FOXJ3: variants seen among roughly 807,000 people sequenced by gnomAD.
FOXJ3 encodes forkhead box protein J3.
A neutral mutation model predicts 76.1 loss-of-function variants in FOXJ3; 22 were observed. That is an observed-to-expected ratio of 0.29 (90% CI 0.21 to 0.41). The LOEUF is 0.41. FOXJ3 is among the 10% of genes least tolerant of loss of function. FOXJ3 has a pLI of 1.00. For synonymous variants in FOXJ3, 269 were observed against 261.2 expected, an observed-to-expected ratio of 1.03 and a Z score of -0.29; for missense variants, 613 against 762.1, an observed-to-expected ratio of 0.80 and a Z score of 2.30.
At chr1:42,317,717 G>T (rs183872842) in intron 1 of FOXJ3, among the ~76,000 whole-genome samples, 3 of 151,952 alleles carry the variant, frequency 2.0e-5, no homozygotes, top group Admixed American at 6.6e-5. Flanking sequence ...ATGGATAGGG[G>T]TTAAGAATCA....
intron 1 of FOXJ3, among the ~76,000 whole-genome samples, chr1:42,328,053 T>C (rs892958251): frequency 6.6e-6 from 1 of 152,164 alleles, no homozygotes. Context: ...TCCCAGCACT[T>C]TGGGGGACCA....
chr1:42,250,940 C>T (rs1649986386), intron 4 of FOXJ3, among the ~76,000 whole-genome samples: 1 of 145,928 alleles, frequency 6.9e-6, no homozygotes, highest in East Asian at 2.0e-4. Context: ...AAAATTAACA[C>T]TCTCAAGGAC....
At chr1:42,231,881 T>C (rs1034591797) in intron 4 of FOXJ3, among the ~76,000 whole-genome samples, 2 of 152,120 alleles carry the variant, frequency 1.3e-5, no homozygotes, top group East Asian at 1.9e-4. Flanking sequence ...ATGTGCCATG[T>C]TGGTGTGCTG....
chr1:42,244,375 G>T (rs191998371), intron 4 of FOXJ3, among the ~76,000 whole-genome samples: 8 of 152,182 alleles, frequency 5.3e-5, no homozygotes, highest in African/African-American at 1.9e-4. Flanking sequence ...AATTAGCCTG[G>T]CATGGTGACA....
At chr1:42,215,641 G>A (rs2124386737) in intron 5 of FOXJ3, among the ~76,000 whole-genome samples, 1 of 152,050 alleles carries the variant, frequency 6.6e-6, no homozygotes, top group Middle Eastern at 3.4e-3. Flanking sequence ...TAAATGGAAG[G>A]AAAAACCACA....
intron 2 of FOXJ3, among the ~76,000 whole-genome samples, chr1:42,280,811 A>G (rs928384625): frequency 4.6e-5 from 7 of 152,214 alleles, no homozygotes; most frequent in African/African-American, 1.7e-4. Context: ...CAGGCAAGTA[A>G]TAAGTATTCA....
At chr1:42,234,450 T>C (rs536740457) in intron 4 of FOXJ3, among the ~76,000 whole-genome samples, 5 of 152,322 alleles carry the variant, frequency 3.3e-5, no homozygotes, top group African/African-American at 9.6e-5. Flanking sequence ...TGAGGAGCTG[T>C]GTTCCTCTGG....
intron 4 of FOXJ3, among the ~76,000 whole-genome samples, chr1:42,252,601 GTTTT>G (rs770005826): frequency 7.1e-6 from 1 of 141,000 alleles, no homozygotes; most frequent in Non-Finnish European, 1.6e-5. Flanking sequence ...TTTTTGAAGG[GTTTT>G]TTTTTTTTGT....
At chr1:42,261,354 A>C (rs752155434) in intron 4 of FOXJ3, among the ~76,000 whole-genome samples, 3 of 152,166 alleles carry the variant, frequency 2.0e-5, no homozygotes, top group Admixed American at 6.5e-5. Flanking sequence ...TCTGTCCCCA[A>C]AAAAGCAGCA....
rs774905116 is a variant in FOXJ3, at chr1:42,191,384, T to C, written c.1270A>G (p.Ile424Val). Residue 424 changes from isoleucine (I) to valine (V), a missense_variant, in exon 9 of 13, where the codon ATA (isoleucine) becomes GTA (valine). By Grantham distance (29) the Ile-to-Val change is conservative. Around this residue, in one of 3 missense-constraint regions of FOXJ3, gnomAD observed 526 missense variants for 601.4 expected, o/e 0.87. Transcript: ENST00000361346. ...HPQHPSPHQH[I>V]QHHPNHQHQT... ...TGCTGATGGTTCGGATGGTGCTGTA[T>C]GTGTTGATGTGGAGAGGGATGCTGG... The C allele has an allele frequency of 2.5e-6, 4 of 1,604,668 alleles. No individual in the cohort carries two copies. Among genetic ancestry groups the C allele is most frequent in the Middle Eastern group, 1.7e-4 (1 of 6,026 alleles).
chr1:42,231,356 G>A (rs1318724336), intron 4 of FOXJ3, among the ~76,000 whole-genome samples: 5 of 151,842 alleles, frequency 3.3e-5, no homozygotes, highest in Admixed American at 6.6e-5. Context: ...CAAAAAAAAC[G>A]AGGGATACTC....
At chr1:42,241,177 T>C (rs1307393901) in intron 4 of FOXJ3, among the ~76,000 whole-genome samples, 1 of 152,100 alleles carries the variant, frequency 6.6e-6, no homozygotes, top group Non-Finnish European at 1.5e-5. Context: ...GAAGAATCCC[T>C]ACGAGGGCCC....
At position 42,296,127 on chromosome 1, in the gene FOXJ3, G is replaced by A. The variant is rs562614519; in HGVS notation, c.44+14923C>T. Among the ~76,000 whole-genome samples, 226 of 152,198 alleles carry A rather than the reference G, an allele frequency of 1.5e-3. 1 individual carries two copies. The highest frequency in any genetic ancestry group is 5.3e-3 in the African/African-American group (220 of 41,508). ...TGTTGAGTATTTTTTTCAAGTGTTT[G>A]TTGGCACTTGTATTTCTTCAAGAAA... On this transcript the variant is annotated intron_variant, in intron 2 of 12. Coordinates refer to ENST00000361346, the MANE Select transcript of FOXJ3 (RefSeq NM_014947.5).
chr1:42,292,339 TC>T (rs2124708126), intron 2 of FOXJ3, among the ~76,000 whole-genome samples: 1 of 152,300 alleles, frequency 6.6e-6, no homozygotes, highest in East Asian at 1.9e-4. Context: ...CTTGGCAGTT[TC>T]TTAAACATAC....
chr1:42,282,853 G>A (rs1204859885), intron 2 of FOXJ3, among the ~76,000 whole-genome samples: 1 of 152,140 alleles, frequency 6.6e-6, no homozygotes, highest in South Asian at 2.1e-4. Context: ...GAATTTATAT[G>A]TAACTGTGAT....
intron 3 of FOXJ3, among the ~76,000 whole-genome samples, chr1:42,277,404 T>C (rs926383507): frequency 2.6e-5 from 4 of 151,774 alleles, no homozygotes; most frequent in Non-Finnish European, 2.9e-5. Context: ...GGCTCACGCC[T>C]GTAATCCCAG....
At position 42,329,663 on chromosome 1, in the gene FOXJ3, G is replaced by A. The variant is rs539100720; in HGVS notation, c.-18+5396C>T. Among the ~76,000 whole-genome samples, 5 of 152,336 alleles carry A rather than the reference G, an allele frequency of 3.3e-5. 1 individual carries two copies. The highest frequency in any genetic ancestry group is 3.3e-4 in the Admixed American group (5 of 15,298). On this transcript the variant is annotated intron_variant, in intron 1 of 12. Transcript: ENST00000361346. ...CTAACAAAGCCAACAGTGAAGATCA[G>A]TGAAAATAATGTAATTTCTGAGCTG...
chr1:42,301,226 C>T (rs1204542033), intron 2 of FOXJ3, among the ~76,000 whole-genome samples: 1 of 151,776 alleles, frequency 6.6e-6, no homozygotes. Context: ...GATGGAGTTT[C>T]ACTCTGTCAC....
intron 4 of FOXJ3, among the ~76,000 whole-genome samples, chr1:42,255,905 C>G (rs1440914484): frequency 6.6e-6 from 1 of 152,134 alleles, no homozygotes; most frequent in Admixed American, 6.5e-5. Flanking sequence ...GCCTGTAGTC[C>G]CAGCTACTCG....
Sources: gnomAD v4.1 joint callset for allele counts (sites outside exome capture counted in the v4.1 genomes callset) on GRCh38, gnomAD v4.1.1 for gene constraint, gnomAD v4.1.1 regional missense constraint, MANE v1.5 for transcripts, NCBI Gene and HGNC (gene_info 2026-07-23, HGNC 2026-07-21) for gene names.